MRTFB: variants seen among roughly 807,000 people sequenced by gnomAD.
MRTFB encodes myocardin-related transcription factor B.
In MRTFB, 29 loss-of-function variants were observed where a neutral mutation model predicts 104.2. That is an observed-to-expected ratio of 0.28 (90% confidence interval 0.21 to 0.38). MRTFB has a LOEUF of 0.38. Ranked by LOEUF, MRTFB falls within the 10% of genes least tolerant of loss-of-function variation. The pLI is 1.00. For missense variants in MRTFB, 1,270 were observed against 1,341.6 expected (o/e 0.95, Z 0.83); for synonymous variants, 535 against 519.5 (o/e 1.03, Z -0.41).
intron 3 of MRTFB, among the ~76,000 whole-genome samples, chr16:14,190,339 G>A (rs2040123804): frequency 6.6e-6 from 1 of 152,148 alleles, no homozygotes; most frequent in African/African-American, 2.4e-5. Context: ...CAACATACAT[G>A]AGCTTTCAAT....
At chr16:14,221,287 C>T (rs1425783155) in intron 8 of MRTFB, among the ~76,000 whole-genome samples, 3 of 152,218 alleles carry the variant, frequency 2.0e-5, no homozygotes, top group Admixed American at 6.5e-5. Flanking sequence ...AGGCATCTCA[C>T]TTGATGTATA....
chr16:14,154,271 G>A (rs2142826083), intron 3 of MRTFB, among the ~76,000 whole-genome samples: 1 of 152,258 alleles, frequency 6.6e-6, no homozygotes, highest in East Asian at 1.9e-4. Flanking sequence ...GGAGTTTGAG[G>A]CTACAGTGAG....
At chr16:14,256,101 A>T (rs370869270) in intron 15 of MRTFB, among the ~76,000 whole-genome samples, 11 of 141,672 alleles carry the variant, frequency 7.8e-5, no homozygotes, top group African/African-American at 2.9e-4. Context: ...TGACAAAGCG[A>T]GACTGTCTCA....
At position 14,246,857 on chromosome 16, in the gene MRTFB, A is replaced by T; in HGVS notation, c.1597A>T (p.Met533Leu). 6.2e-7 allele frequency: 1 copy of T among 1,613,126 alleles called. No homozygotes were observed. Among genetic ancestry groups the T allele is most frequent in the Non-Finnish European group, 8.5e-7 (1 of 1,180,038 alleles). Reference sequence around the variant, plus strand: ...CACTTTCACCGAGATTATGACCATGATGTCGCCTTCACAGTTCTTGAGTTC... The same window carrying T: ...CACTTTCACCGAGATTATGACCATGTTGTCGCCTTCACAGTTCTTGAGTTC... ...ADTFTEIMTM[M>L]SPSQFLSSSP... Residue 533 changes from methionine (M) to leucine (L), a missense_variant, in exon 12 of 17, where the codon ATG (methionine) becomes TTG (leucine). Around this residue, in one of 3 missense-constraint regions of MRTFB, gnomAD observed 1,144 missense variants for 1,131.5 expected, o/e 1.01. Transcript: ENST00000571589.
the MRTFB span, chr16:14,009,208 C>T: frequency 6.6e-6 from 1 of 152,196 alleles, no homozygotes; most frequent in Admixed American, 6.5e-5. Context: ...CTCAGCCTCC[C>T]ATAGTGCTGG....
chr16:14,014,521 G>C, the MRTFB span, among the ~76,000 whole-genome samples: 1 of 151,528 alleles, frequency 6.6e-6, no homozygotes, highest in Non-Finnish European at 1.5e-5. Flanking sequence ...GCGCCACTGC[G>C]CTCCAACATG....
the MRTFB span, among the ~76,000 whole-genome samples, chr16:14,017,139 C>T: frequency 6.8e-6 from 1 of 147,830 alleles, no homozygotes; most frequent in Admixed American, 6.9e-5. Flanking sequence ...TCACTACAAG[C>T]TCCACCTCCC....
intron 2 of MRTFB, among the ~76,000 whole-genome samples, chr16:14,111,924 TC>T (rs2036288713): frequency 1.3e-5 from 2 of 152,154 alleles, no homozygotes; most frequent in South Asian, 4.2e-4. Context: ...CAGCTGTCCC[TC>T]CATACGGTGG....
chr16:14,236,430 A>G (rs1306073765), intron 9 of MRTFB, among the ~76,000 whole-genome samples: 3 of 152,190 alleles, frequency 2.0e-5, no homozygotes, highest in African/African-American at 7.2e-5. Flanking sequence ...GGGTACTAGG[A>G]ATAGATAAAG....
chr16:14,052,852 G>C, the MRTFB span, among the ~76,000 whole-genome samples: 1 of 151,696 alleles, frequency 6.6e-6, no homozygotes, highest in East Asian at 1.9e-4. Flanking sequence ...CTTTATGTTT[G>C]TACCCATTAG....
chr16:14,011,609 GGT>G, the MRTFB span, among the ~76,000 whole-genome samples: 1 of 152,200 alleles, frequency 6.6e-6, no homozygotes, highest in African/African-American at 2.4e-5. Flanking sequence ...ATTATTGCCA[GGT>G]GTGGTGGCTC....
At chr16:14,040,549 G>A in the MRTFB span, among the ~76,000 whole-genome samples, 6 of 149,458 alleles carry the variant, frequency 4.0e-5, no homozygotes, top group East Asian at 9.9e-4. Context: ...TCCAACCTCC[G>A]CCTCCCTGGT....
At chr16:14,200,727 G>C in intron 3 of MRTFB, 1 of 1,518,724 alleles carries the variant, frequency 6.6e-7, no homozygotes, top group Non-Finnish European at 9.1e-7. Flanking sequence ...GCTGAATCAG[G>C]AATCTTTTGG....
At position 14,251,105 on chromosome 16, in the gene MRTFB, G is replaced by A. The variant is rs556997699; in HGVS notation, c.2404-757G>A. On this transcript the variant is annotated intron_variant, in intron 13 of 16. Transcript: ENST00000571589. ...GAAGACTTGAGAGTAGGCCGGGCGC[G>A]GTGGCTCAAGCCTGTAATCCCAGCA... Among the ~76,000 whole-genome samples the A allele has an allele frequency of 1.1e-4, 17 of 152,182 alleles. No homozygotes were observed. The South Asian group carries it at 1.2e-3, about 11-fold the overall frequency.
Position 14,120,621 on chromosome 16 carries a change from G to A in MRTFB, c.-63-19923G>A, listed in dbSNP as rs1019029117. On this transcript the variant is annotated intron_variant, in intron 2 of 16. Coordinates refer to ENST00000571589, the MANE Select transcript of MRTFB (RefSeq NM_001308142.2). Reference sequence around the variant, plus strand: ...CTTAGTATACATGGGCAGCTTCATCGGTTTATAATACATTCTTTTAAAATA... The same window carrying A: ...CTTAGTATACATGGGCAGCTTCATCAGTTTATAATACATTCTTTTAAAATA... 5.9e-5 allele frequency among the ~76,000 whole-genome samples: 9 copies of A among 152,216 alleles called. No individual in the cohort carries two copies. The East Asian group carries it at 9.6e-4, about 16-fold the overall frequency.
chr16:14,022,870 T>C, the MRTFB span, among the ~76,000 whole-genome samples: 2 of 151,550 alleles, frequency 1.3e-5, no homozygotes, highest in African/African-American at 4.8e-5. Context: ...CTACTTTTTG[T>C]ATTTTTAGTA....
chr16:14,199,270 T>A (rs1046585584), intron 3 of MRTFB, among the ~76,000 whole-genome samples: 6 of 152,222 alleles, frequency 3.9e-5, no homozygotes, highest in Admixed American at 3.9e-4. Context: ...GGATCTTCCT[T>A]CCCTATCTGA....
chr16:14,138,938 G>T (rs1185231525), intron 2 of MRTFB, among the ~76,000 whole-genome samples: 1 of 151,972 alleles, frequency 6.6e-6, no homozygotes, highest in African/African-American at 2.4e-5. Context: ...ACTCAAAATG[G>T]ATCATAGACT....
intron 2 of MRTFB, among the ~76,000 whole-genome samples, chr16:14,138,570 C>G (rs2142538664): frequency 6.6e-6 from 1 of 152,238 alleles, no homozygotes. Context: ...TGAACTCTTG[C>G]AAGCTGTCTT....
Sources: gnomAD v4.1 joint callset for allele counts (sites outside exome capture counted in the v4.1 genomes callset) on GRCh38, gnomAD v4.1.1 for gene constraint, gnomAD v4.1.1 regional missense constraint, MANE v1.5 for transcripts, NCBI Gene and HGNC (gene_info 2026-07-23, HGNC 2026-07-21) for gene names.